KIAA1549L: variants seen among roughly 807,000 people sequenced by gnomAD.
KIAA1549L encodes the protein KIAA1549 like.
A neutral mutation model predicts 160.7 loss-of-function variants in KIAA1549L; 88 were observed. The ratio of observed to expected loss-of-function variants is 0.55; its 90% confidence interval spans 0.46 to 0.65. KIAA1549L has a LOEUF of 0.65. Ranked by LOEUF, KIAA1549L falls within the 30% of genes least tolerant of loss-of-function variation. The pLI is 0.00. For missense variants in KIAA1549L, 2,258 were observed against 2,437.5 expected, an observed-to-expected ratio of 0.93 and a Z score of 1.55; for synonymous variants, 950 against 976.7, an observed-to-expected ratio of 0.97 and a Z score of 0.51.
chr11:33,660,347 G>A (rs1366362097), intron 19 of KIAA1549L, among the ~76,000 whole-genome samples: 1 of 152,200 alleles, frequency 6.6e-6, no homozygotes, highest in Non-Finnish European at 1.5e-5. Context: ...GGAGGCCGAG[G>A]CAGGCGGATC....
intron 16 of KIAA1549L, among the ~76,000 whole-genome samples, chr11:33,638,988 T>C (rs1246911524): frequency 2.6e-5 from 4 of 152,242 alleles, no homozygotes; most frequent in Non-Finnish European, 5.9e-5. Flanking sequence ...GTTATTCATT[T>C]GTAGGAACTA....
intron 1 of KIAA1549L, among the ~76,000 whole-genome samples, chr11:33,377,522 T>C (rs1422876554): frequency 6.6e-6 from 1 of 152,188 alleles, no homozygotes; most frequent in Non-Finnish European, 1.5e-5. Flanking sequence ...CCTTGGACAA[T>C]TTTGAGAAAT....
intron 15 of KIAA1549L, among the ~76,000 whole-genome samples, chr11:33,611,379 T>C (rs981486423): frequency 6.6e-6 from 1 of 152,188 alleles, no homozygotes; most frequent in Admixed American, 6.5e-5. Flanking sequence ...CAGGCTTGGA[T>C]CAAAGCCACA....
At chr11:33,491,522 T>C (rs1254512585) in intron 1 of KIAA1549L, among the ~76,000 whole-genome samples, 1 of 152,216 alleles carries the variant, frequency 6.6e-6, no homozygotes, top group African/African-American at 2.4e-5. Context: ...CAAGAGTGTC[T>C]AGTTACATTT....
At chr11:33,619,729 G>A (rs1033594715) in intron 16 of KIAA1549L, among the ~76,000 whole-genome samples, 9 of 151,972 alleles carry the variant, frequency 5.9e-5, no homozygotes, top group African/African-American at 2.2e-4. Flanking sequence ...AAAACAGTTT[G>A]GTAGTTTAGT....
chr11:33,459,444 C>T (rs1036091535), intron 1 of KIAA1549L, among the ~76,000 whole-genome samples: 1 of 152,176 alleles, frequency 6.6e-6, no homozygotes, highest in Admixed American at 6.5e-5. Context: ...TTGGCCACTT[C>T]GTTGTGCATT....
At chr11:33,643,605 G>T (rs1472143817) in intron 16 of KIAA1549L, among the ~76,000 whole-genome samples, 1 of 152,152 alleles carries the variant, frequency 6.6e-6, no homozygotes, top group Non-Finnish European at 1.5e-5. Context: ...GGCCTTGTGT[G>T]GCTAGCAACC....
At chr11:33,445,039 G>A (rs1339809308) in intron 1 of KIAA1549L, among the ~76,000 whole-genome samples, 2 of 152,164 alleles carry the variant, frequency 1.3e-5, no homozygotes, top group African/African-American at 2.4e-5. Flanking sequence ...TGAAGTCCAG[G>A]GATGCAGAAA....
At chr11:33,441,124 T>C (rs1286424914) in intron 1 of KIAA1549L, among the ~76,000 whole-genome samples, 1 of 144,292 alleles carries the variant, frequency 6.9e-6, no homozygotes, top group Non-Finnish European at 1.5e-5. Context: ...CCCGTGTCCA[T>C]GTGTTCTCAT....
intron 1 of KIAA1549L, among the ~76,000 whole-genome samples, chr11:33,423,247 A>G (rs1851055255): frequency 6.6e-6 from 1 of 152,236 alleles, no homozygotes; most frequent in Non-Finnish European, 1.5e-5. Context: ...CATCAATTTG[A>G]AAAAAGCCCC....
In KIAA1549L at chr11:33,671,444, T is replaced by C. The variant is rs2133475964; in HGVS notation, c.*3290T>C. 1 of 152,308 alleles carries C rather than the reference T, an allele frequency of 6.6e-6. No homozygotes were observed. The highest frequency in any genetic ancestry group is 3.4e-3 in the Middle Eastern group (1 of 294). The allele number at this position is 152,308 out of a possible 1,614,324, so 9.4% of individuals were successfully genotyped here. On this transcript the variant is annotated 3_prime_UTR_variant, in exon 21 of 21. Transcript: ENST00000658780. ...GAGCAAGGAGTTTCCTCTTTCAGGG[T>C]AGATTATGTAAGAATCAATTCCCTG...
chr11:33,435,113 A>G (rs574529755), intron 1 of KIAA1549L, among the ~76,000 whole-genome samples: 2 of 152,368 alleles, frequency 1.3e-5, no homozygotes, highest in South Asian at 4.1e-4. Context: ...ATAAAAGATT[A>G]ATCATAAAAG....
rs1311010636 is a variant in KIAA1549L at position 33,543,554 on chromosome 11, C to T, written c.1991C>T (p.Ser664Leu). The T allele has an allele frequency of 1.9e-6, 3 of 1,613,914 alleles. No homozygotes were observed. The African/African-American group carries it at 4.0e-5, about 22-fold the overall frequency. The change falls in exon 2 of 21, where the codon TCA (serine) becomes TTA (leucine). Residue 664 changes from serine (S) to leucine (L), a missense_variant. Physicochemically the swap from Ser to Leu is moderately radical, Grantham distance 145. Coordinates refer to ENST00000658780, the MANE Select transcript of KIAA1549L (RefSeq NM_012194.3). Reference protein sequence around the residue: ...AAVDHSGLPASASKQVRASPS... With the variant: ...AAVDHSGLPALASKQVRASPS... ...GTGGACCATTCTGGGTTGCCAGCTT[C>T]AGCTTCCAAACAGGTGAGAGCATCG...
rs769545475 is a variant in KIAA1549L at position 33,545,122 on chromosome 11, G to A, written c.3129G>A (p.Arg1043=). The change falls in exon 3 of 21, where the codon AGG becomes AGA. Residue 1043 remains arginine (R), a synonymous_variant. Coordinates refer to ENST00000658780, the MANE Select transcript of KIAA1549L (RefSeq NM_012194.3). ...TGTTGTCTACAACTTACCTCCCCAG[G>A]AAACCACAAGCCATGCACACCGGCC... ...SGLLSTTYLP[R]KPQAMHTGLP... 1.2e-5 allele frequency: 20 copies of A among 1,613,816 alleles called. No individual in the cohort carries two copies. The highest frequency in any genetic ancestry group is 1.7e-5 in the Non-Finnish European group (20 of 1,179,890).
intron 6 of KIAA1549L, among the ~76,000 whole-genome samples, chr11:33,556,921 G>A (rs368820983): frequency 2.0e-5 from 3 of 152,212 alleles, no homozygotes; most frequent in East Asian, 1.9e-4. Flanking sequence ...GTCAAGTATA[G>A]TATATACAGA....
Position 33,598,961 on chromosome 11 carries a change from C to A in KIAA1549L, c.4879+14C>A. On this transcript the variant is annotated intron_variant, in intron 13 of 20. Transcript: ENST00000658780. ...GGAAGAGAAATGGTGAGAAGCCTTC[C>A]CTCCAAGAACCACCCCCAGCTGCTC... 6.2e-7 allele frequency: 1 copy of A among 1,612,022 alleles called. No homozygotes were observed. The highest frequency in any genetic ancestry group is 1.3e-5 in the African/African-American group (1 of 74,976).
At chr11:33,651,966 C>G (rs916895573) in intron 17 of KIAA1549L, among the ~76,000 whole-genome samples, 2 of 141,424 alleles carry the variant, frequency 1.4e-5, no homozygotes, top group Admixed American at 1.4e-4. Flanking sequence ...TTCCATGTTA[C>G]AACCAAACTT....
At chr11:33,522,414 T>C (rs1369684194) in intron 1 of KIAA1549L, among the ~76,000 whole-genome samples, 1 of 152,242 alleles carries the variant, frequency 6.6e-6, no homozygotes, top group East Asian at 1.9e-4. Context: ...CATATTCTGC[T>C]TCTGTGGTCC....
At chr11:33,426,082 A>G (rs941291456) in intron 1 of KIAA1549L, among the ~76,000 whole-genome samples, 3 of 152,244 alleles carry the variant, frequency 2.0e-5, no homozygotes, top group Non-Finnish European at 4.4e-5. Flanking sequence ...ATTCTGCATC[A>G]GAAAAAGGAC....
Sources: gnomAD v4.1 joint callset for allele counts (sites outside exome capture counted in the v4.1 genomes callset) on GRCh38, gnomAD v4.1.1 for gene constraint, MANE v1.5 for transcripts, NCBI Gene and HGNC (gene_info 2026-07-23, HGNC 2026-07-21) for gene names.